ABCC9: variants seen among roughly 807,000 people sequenced by gnomAD.
The protein encoded by ABCC9 is ATP-binding cassette sub-family C member 9.
Under a neutral mutation model 188.3 loss-of-function variants are expected in ABCC9, and 95 were observed. The ratio of observed to expected loss-of-function variants is 0.50; its 90% CI spans 0.43 to 0.60. The LOEUF (loss-of-function observed/expected upper bound fraction) is 0.60. ABCC9 is among the 20% of genes least tolerant of loss of function. ABCC9 has a pLI of 0.00. For missense variants in ABCC9, 1,102 were observed against 1,876.3 expected (o/e 0.59, Z 7.62); for synonymous variants, 659 against 652.7 (o/e 1.01, Z -0.15).
chr12:21,829,219 T>TC lies in ABCC9; in HGVS notation c.3567-160dup, dbSNP rs1555182975. On this transcript the variant is annotated intron_variant, in intron 30 of 39. Coordinates refer to ENST00000261200, the MANE Select transcript of ABCC9 (RefSeq NM_020297.4). ...TTTTTTTTTTTTTTTTTTTTTTTTT[T>TC]CAGATGGAGTCTCGCTCTGTTGCCC... is the stretch of plus-strand genomic sequence containing the variant. 1.9e-3 allele frequency among the ~76,000 whole-genome samples: 266 copies of TC among 136,916 alleles called. 1 individual carries two copies. Among genetic ancestry groups the TC allele is most frequent in the African/African-American group, 7.2e-3 (253 of 35,232 alleles). The allele number at this position is 136,916 out of a possible 152,430, so 89.8% of individuals were successfully genotyped here.
At position 21,812,503 on chromosome 12, in the gene ABCC9, G is replaced by A. The variant is rs113591229; in HGVS notation, c.4103-346C>T. Among the ~76,000 whole-genome samples the A allele has an allele frequency of 0.026, 3,894 of 152,242 alleles. 157 individuals are homozygous for A. Among genetic ancestry groups the A allele is most frequent in the African/African-American group, 0.088 (3,672 of 41,526 alleles). Reference sequence around the variant, plus strand: ...AGAAAATATGGCACATATACACCATGGAATACTATGCAGCCATCGAAAAGG... The same window carrying A: ...AGAAAATATGGCACATATACACCATAGAATACTATGCAGCCATCGAAAAGG... On this transcript the variant is annotated intron_variant, in intron 35 of 39. Transcript: ENST00000261200.
chr12:21,886,022 C>T (rs1946859002), intron 15 of ABCC9, among the ~76,000 whole-genome samples: 2 of 151,998 alleles, frequency 1.3e-5, no homozygotes, highest in African/African-American at 4.8e-5. Context: ...TTATAACTAA[C>T]ATTAACTTAT....
chr12:21,851,345 A>G (rs1329343721), intron 24 of ABCC9, among the ~76,000 whole-genome samples: 1 of 152,150 alleles, frequency 6.6e-6, no homozygotes, highest in Non-Finnish European at 1.5e-5. Flanking sequence ...CATCACCCAT[A>G]ACATTATAGT....
At chr12:21,933,672 G>A (rs878858462) in intron 4 of ABCC9, 110 bp downstream of exon 4, 6 of 1,324,436 alleles carry the variant, frequency 4.5e-6, no homozygotes, top group Non-Finnish European at 6.4e-6. Context: ...GGATCAGAGA[G>A]CAAAAAATAT....
intron 29 of ABCC9, among the ~76,000 whole-genome samples, chr12:21,838,723 A>G (rs918278329): frequency 6.6e-6 from 1 of 152,162 alleles, no homozygotes; most frequent in Non-Finnish European, 1.5e-5. Flanking sequence ...GCTGAAAAAA[A>G]TCGCTGAAGA....
chr12:21,863,744 G>A (rs1247248483), intron 19 of ABCC9, among the ~76,000 whole-genome samples: 2 of 152,132 alleles, frequency 1.3e-5, no homozygotes, highest in African/African-American at 4.8e-5. Flanking sequence ...GAGCTGAAGA[G>A]AATGATGGGA....
intron 4 of ABCC9, among the ~76,000 whole-genome samples, chr12:21,930,262 G>A (rs1385215221): frequency 6.6e-6 from 1 of 151,910 alleles, no homozygotes; most frequent in Non-Finnish European, 1.5e-5. Flanking sequence ...TATTCTACAG[G>A]TTATTGATGT....
At chr12:21,840,520 T>C (rs1944327524) in intron 29 of ABCC9, among the ~76,000 whole-genome samples, 1 of 152,204 alleles carries the variant, frequency 6.6e-6, no homozygotes. Flanking sequence ...TGCACTCCAT[T>C]TGTATTGATA....
chr12:21,932,586 A>G (rs1436586695), intron 4 of ABCC9, among the ~76,000 whole-genome samples: 1 of 152,078 alleles, frequency 6.6e-6, no homozygotes, highest in East Asian at 1.9e-4. Context: ...AAAACAAACA[A>G]CCTCATAAAA....
chr12:21,844,473 A>G lies in ABCC9; in HGVS notation c.3315+10T>C, dbSNP rs1306540977. The G allele has an allele frequency of 1.2e-6, 2 of 1,608,636 alleles. No homozygotes were observed. Among genetic ancestry groups the G allele is most frequent in the South Asian group, 2.2e-5 (2 of 90,978 alleles). Reference sequence around the variant, plus strand: ...TAATTTTTGAACTTGGAAGTAACCCAGTTACTCACCTGATCAATGATATTA... The same window carrying G: ...TAATTTTTGAACTTGGAAGTAACCCGGTTACTCACCTGATCAATGATATTA... On this transcript the variant is annotated intron_variant, in intron 28 of 39. Coordinates refer to ENST00000261200, the MANE Select transcript of ABCC9 (RefSeq NM_020297.4).
intron 16 of ABCC9, among the ~76,000 whole-genome samples, chr12:21,881,172 A>G (rs2137642566): frequency 6.6e-6 from 1 of 152,284 alleles, no homozygotes; most frequent in East Asian, 1.9e-4. Flanking sequence ...TATCTCAGGG[A>G]AAAATATAAG....
At chr12:21,834,247 T>TGCCTATTA (rs1183748421) in intron 30 of ABCC9, among the ~76,000 whole-genome samples, 1 of 152,236 alleles carries the variant, frequency 6.6e-6, no homozygotes, top group African/African-American at 2.4e-5. Flanking sequence ...CCTGATTTTT[T>TGCCTATTA]GCCTATTACT....
intron 11 of ABCC9, 89 bp from the exon 12 acceptor site, chr12:21,906,377 C>T: frequency 7.2e-7 from 1 of 1,390,704 alleles, no homozygotes; most frequent in Non-Finnish European, 9.8e-7. Flanking sequence ...TTGAGGAGAC[C>T]TTGATTTCAG....
chr12:21,881,255 T>TA (rs1946602252), intron 16 of ABCC9, among the ~76,000 whole-genome samples: 1 of 152,160 alleles, frequency 6.6e-6, no homozygotes, highest in African/African-American at 2.4e-5. Flanking sequence ...CTCTGCAGTA[T>TA]GTTGTATTTC....
Position 21,906,161 on chromosome 12 carries a change from C to G in ABCC9, c.1583G>C (p.Ser528Thr). The G allele has an allele frequency of 2.5e-6, 4 of 1,613,148 alleles. No homozygotes were observed. Among genetic ancestry groups the G allele is most frequent in the Non-Finnish European group, 3.4e-6 (4 of 1,179,320 alleles). The stretch of plus-strand genomic sequence containing the variant: ...TGTATATAGTGCAAAGGTTTTGAGA[C>G]TAGATAGTTCTTTCATTCTTGTTTC... ...VEETRMKELS[S>T]LKTFALYTSL... is the part of the protein sequence containing the mutation. Residue 528 changes from serine to threonine, a missense_variant, in exon 12 of 40, where the codon AGT becomes ACT. Around this residue, in one of 12 missense-constraint regions of ABCC9, gnomAD observed 258 missense variants for 325.6 expected, o/e 0.79. Coordinates refer to ENST00000261200, the MANE Select transcript of ABCC9 (RefSeq NM_020297.4).
intron 4 of ABCC9, among the ~76,000 whole-genome samples, chr12:21,932,742 C>T (rs1456270918): frequency 6.6e-6 from 1 of 152,032 alleles, no homozygotes; most frequent in Non-Finnish European, 1.5e-5. Flanking sequence ...ATAACAGATG[C>T]TGGTGAGGCT....
At position 21,908,076 on chromosome 12, in the gene ABCC9, C is replaced by T. The variant is rs1421201736; in HGVS notation, c.1455+1G>A. The T allele has an allele frequency of 1.1e-5, 18 of 1,611,958 alleles. No individual in the cohort carries two copies. The highest frequency in any genetic ancestry group is 1.4e-5 in the Non-Finnish European group (17 of 1,178,668). ...TTAAGTTTCCAAAAGATGTTACTTACAAGTGTACTTTTCTGAGCCTCTGCC... is the reference window on the plus strand; with the variant it reads ...TTAAGTTTCCAAAAGATGTTACTTATAAGTGTACTTTTCTGAGCCTCTGCC... On this transcript the variant is annotated splice_donor_variant, in intron 11 of 39. Coordinates refer to ENST00000261200, the MANE Select transcript of ABCC9 (RefSeq NM_020297.4). LOFTEE classifies it high-confidence loss of function.
At chr12:21,808,747 C>G (rs893068369) in intron 37 of ABCC9, among the ~76,000 whole-genome samples, 37 of 124,998 alleles carry the variant, frequency 3.0e-4, no homozygotes, top group Non-Finnish European at 4.8e-4. Flanking sequence ...CCACTGCACT[C>G]AAGTCTGGGT....
Position 21,817,223 on chromosome 12 carries a change from G to A in ABCC9, c.3856C>T (p.Leu1286=), listed in dbSNP as rs1239929123. 2 of 1,613,804 alleles carry A rather than the reference G, an allele frequency of 1.2e-6. No homozygotes were observed. Among genetic ancestry groups the A allele is most frequent in the Non-Finnish European group, 1.7e-6 (2 of 1,179,832 alleles). Reference sequence around the variant, plus strand: ...TCATAGTTCTCTGACTCCATAGTCAGGAAACTGTTCACCTTCTTCACTGCA... The same window carrying A: ...TCATAGTTCTCTGACTCCATAGTCAAGAAACTGTTCACCTTCTTCACTGCA... ...MGAVKKVNSF[L]TMESENYEGT... is the part of the protein sequence containing the mutation. Residue 1286 remains leucine, a synonymous_variant, in exon 33 of 40, where the codon CTG becomes TTG. Transcript: ENST00000261200.
Sources: allele counts gnomAD v4.1 joint callset (sites outside exome capture counted in the v4.1 genomes callset), GRCh38; gene constraint gnomAD v4.1.1; regional missense constraint gnomAD v4.1.1; transcripts MANE v1.5; gene names NCBI Gene and HGNC (gene_info 2026-07-23, HGNC 2026-07-21).